PLD1: variants seen among roughly 807,000 people sequenced by gnomAD.
PLD1 encodes choline phosphatase 1.
In PLD1, 112 loss-of-function variants were observed where a neutral mutation model predicts 137.1. The observed-to-expected ratio is 0.82, with a 90% CI of 0.70 to 0.96. The LOEUF (loss-of-function observed/expected upper bound fraction) is 0.96. Ranked by LOEUF, PLD1 falls within the 40% of genes least tolerant of loss-of-function variation. The pLI, the probability that PLD1 is intolerant of heterozygous loss-of-function variation, is 0.00. For missense variants in PLD1, 1,321 were observed against 1,342.0 expected, an observed-to-expected ratio of 0.98 and a Z score of 0.24; for synonymous variants, 431 against 454.7, an observed-to-expected ratio of 0.95 and a Z score of 0.66.
At chr3:171,611,515 C>A in intron 25 of PLD1, 1 of 498,440 alleles carries the variant, frequency 2.0e-6, no homozygotes, top group Admixed American at 2.1e-5. Context: ...TAGGATCGCA[C>A]AGCTGAAACG....
chr3:171,763,830 CTTTTT>C lies in PLD1; in HGVS notation c.-31-25753_-31-25749del, dbSNP rs71178234. On this transcript the variant is annotated intron_variant, in intron 1 of 26. Coordinates refer to ENST00000351298, the MANE Select transcript of PLD1 (RefSeq NM_002662.5). ...ATTATACAGCTTATTTTCTTTCTTT[CTTTTT>C]TTTTTTTTTTTTTTTTTGAGATAGA... 2.0e-4 allele frequency among the ~76,000 whole-genome samples: 17 copies of C among 86,718 alleles called. No individual in the cohort carries two copies. In the East Asian group the frequency reaches 3.8e-3, roughly 19 times the overall value. 56.9% of individuals were successfully genotyped at this position (86,718 alleles called of 152,430 possible).
chr3:171,640,258 T>C (rs539433345), intron 23 of PLD1, among the ~76,000 whole-genome samples: 229 of 152,110 alleles, frequency 1.5e-3, no homozygotes, highest in African/African-American at 5.1e-3. Context: ...GTTAGGTTAT[T>C]GATTTGAGAT....
chr3:171,617,970 C>G (rs1733259609), intron 24 of PLD1, among the ~76,000 whole-genome samples: 1 of 152,106 alleles, frequency 6.6e-6, no homozygotes, highest in Non-Finnish European at 1.5e-5. Flanking sequence ...ACACTGTTTT[C>G]TGTGTTAGGA....
intron 1 of PLD1, among the ~76,000 whole-genome samples, chr3:171,764,940 AAG>A (rs1560289378): frequency 3.9e-4 from 7 of 18,074 alleles, no homozygotes; most frequent in Admixed American, 7.7e-4. Context: ...AAAGGAAAGA[AAG>A]AAAGAAAGAA....
At chr3:171,724,028 T>G (rs4894748) in intron 8 of PLD1, among the ~76,000 whole-genome samples, 1 of 151,920 alleles carries the variant, frequency 6.6e-6, no homozygotes, top group Non-Finnish European at 1.5e-5. Flanking sequence ...TGTTTATCCA[T>G]TCATCAATTG....
chr3:171,676,733 C>T lies in PLD1; in HGVS notation c.2097G>A (p.Gln699=). 1 of 1,613,760 alleles carries T rather than the reference C, an allele frequency of 6.2e-7. No individual in the cohort carries two copies. The highest frequency in any genetic ancestry group is 8.5e-7 in the Non-Finnish European group (1 of 1,179,682). ...CAAGTACTTTTGTGAAGTTCCAGCG[C>T]TGGATGAAGTGACGTGCCACATCAC... ...AARDVARHFI[Q]RWNFTKIMKS... is the part of the protein sequence containing the mutation. The change falls in exon 18 of 27, where the codon CAG becomes CAA. Residue 699 remains glutamine, a synonymous_variant. Coordinates refer to ENST00000351298, the MANE Select transcript of PLD1 (RefSeq NM_002662.5).
chr3:171,614,181 C>G (rs761524708), intron 24 of PLD1, among the ~76,000 whole-genome samples: 1 of 152,142 alleles, frequency 6.6e-6, no homozygotes, highest in Non-Finnish European at 1.5e-5. Context: ...CCCTGGGTAA[C>G]AGAGAAAGGA....
chr3:171,610,382 G>T (rs564607804), intron 25 of PLD1, among the ~76,000 whole-genome samples: 212 of 152,152 alleles, frequency 1.4e-3, no homozygotes, highest in African/African-American at 5.0e-3. Context: ...TTTTAAAAAG[G>T]GAATACAATA....
At chr3:171,723,780 C>T (rs922663158) in intron 8 of PLD1, among the ~76,000 whole-genome samples, 3 of 152,040 alleles carry the variant, frequency 2.0e-5, no homozygotes, top group Middle Eastern at 3.2e-3. Flanking sequence ...TTTCAAGAAA[C>T]GTATATTCAG....
rs77851303 is a variant in PLD1 at position 171,612,191 on chromosome 3, T to C, written c.2882+88A>G. On this transcript the variant is annotated intron_variant, in intron 25 of 26. Transcript: ENST00000351298. This position sits in a 1 kb window ranked among gnomAD's most constrained non-coding sequence, Gnocchi z 4.1. ...GTTTTAGATGAAGAAGAACCTAGGA[T>C]GACCCATGTGCTCAGGGCTAGCGGG... The C allele has an allele frequency of 0.015, 18,084 of 1,169,086 alleles. 435 individuals are homozygous for C. The highest frequency in any genetic ancestry group is 0.11 in the African/African-American group (7,001 of 66,628). 72.4% of individuals were successfully genotyped at this position (1,169,086 alleles called of 1,614,324 possible). A position where few individuals can be genotyped will look rare whatever the true frequency, so the allele number is the denominator to read the frequency against.
At chr3:171,650,946 G>T (rs1736696459) in intron 21 of PLD1, among the ~76,000 whole-genome samples, 1 of 152,028 alleles carries the variant, frequency 6.6e-6, no homozygotes, top group South Asian at 2.1e-4. Flanking sequence ...TTGCTATAAA[G>T]CTGTTTGTAC....
At chr3:171,700,395 C>G (rs1049720250) in intron 11 of PLD1, among the ~76,000 whole-genome samples, 1 of 152,016 alleles carries the variant, frequency 6.6e-6, no homozygotes, top group Non-Finnish European at 1.5e-5. Flanking sequence ...CTCTTTTGCT[C>G]TCTCTCCCTC....
rs76614896 is a variant in PLD1, at chr3:171,729,687, G to A, written c.607-3611C>T. On this transcript the variant is annotated intron_variant, in intron 6 of 26. Transcript: ENST00000351298. ...GAAGGAAACTGGGAGGCTGGGCAAA[G>A]GCCTAAAGTCCTTCTCAACGCTAAG... Among the ~76,000 whole-genome samples, 636 of 152,306 alleles carry A rather than the reference G, an allele frequency of 4.2e-3. 1 individual carries two copies. The highest frequency in any genetic ancestry group is 0.015 in the African/African-American group (613 of 41,574).
At position 171,639,632 on chromosome 3, in the gene PLD1, TATAATATATATTATATATAATATATATTC is replaced by T. The variant is rs1334523842; in HGVS notation, c.2593+3179_2593+3207del. 4.8e-3 allele frequency among the ~76,000 whole-genome samples: 547 copies of T among 113,716 alleles called. 10 individuals carry two copies. The highest frequency in any genetic ancestry group is 0.015 in the African/African-American group (402 of 27,684). The allele number at this position is 113,716 out of a possible 152,430, so 74.6% of individuals were successfully genotyped here. On this transcript the variant is annotated intron_variant, in intron 23 of 26. Transcript: ENST00000351298. The stretch of plus-strand genomic sequence containing the variant: ...TATATTATATATAATATATATTCTA[TATAATATATATTATATATAATATATATTC>T]ATATAATATATATTATATATAATAC...
chr3:171,726,140 C>A, intron 6 of PLD1, 64 bp from the exon 7 acceptor site: 2 of 1,049,420 alleles, frequency 1.9e-6, no homozygotes, highest in East Asian at 2.4e-5. Flanking sequence ...CATTAAAAAA[C>A]ATGTATTAGG....
intron 1 of PLD1, chr3:171,789,231 G>C (rs1282714117): frequency 6.6e-6 from 1 of 152,284 alleles, no homozygotes; most frequent in Non-Finnish European, 1.5e-5. Flanking sequence ...AAAAGCACAT[G>C]GCACGTTCTG....
rs558262249 is a variant in PLD1 at position 171,806,796 on chromosome 3, G to A, written c.-32+3603C>T. Among the ~76,000 whole-genome samples the A allele has an allele frequency of 4.6e-5, 7 of 152,256 alleles. No individual in the cohort carries two copies. In the South Asian group the frequency reaches 1.4e-3, roughly 32 times the overall value. ...GCTATAGAGGACAACACTGACAATT[G>A]TTATTTTTCTGATAGATACTCAGGA... On this transcript the variant is annotated intron_variant, in intron 1 of 26. Transcript: ENST00000351298.
At chr3:171,618,722 G>A (rs1578114477) in intron 24 of PLD1, among the ~76,000 whole-genome samples, 1 of 56,932 alleles carries the variant, frequency 1.8e-5, no homozygotes, top group Non-Finnish European at 3.9e-5. Flanking sequence ...AAGTGTGTAT[G>A]TGTGTGTGTG....
At chr3:171,699,617 A>C (rs1466168550) in intron 12 of PLD1, 128 bp downstream of exon 12, 1 of 684,778 alleles carries the variant, frequency 1.5e-6, no homozygotes, top group Non-Finnish European at 2.6e-6. Context: ...GGAAAACATT[A>C]GTTATCCTAC....
Sources: gnomAD v4.1 joint callset for allele counts (sites outside exome capture counted in the v4.1 genomes callset) on GRCh38, gnomAD v4.1.1 for gene constraint, Gnocchi (gnomAD v3.1) non-coding constraint, MANE v1.5 for transcripts, NCBI Gene and HGNC (gene_info 2026-07-23, HGNC 2026-07-21) for gene names.